The following GPR158 variants were observed in gnomAD, a reference collection of about 807,000 sequenced individuals.
The protein encoded by GPR158 is metabotropic glycine receptor.
A neutral mutation model predicts 78.2 loss-of-function variants in GPR158; 30 were observed. The observed-to-expected ratio is 0.38, with a 90% confidence interval of 0.29 to 0.52. The LOEUF is 0.52. Ranked by LOEUF, GPR158 falls within the 20% of genes least tolerant of loss-of-function variation. GPR158 has a pLI of 0.83. For synonymous variants in GPR158, 581 were observed against 591.1 expected, an observed-to-expected ratio of 0.98 and a Z score of 0.25; for missense variants, 1,463 against 1,523.5, an observed-to-expected ratio of 0.96 and a Z score of 0.66.
intron 2 of GPR158, among the ~76,000 whole-genome samples, chr10:25,387,492 T>C (rs1353430332): frequency 3.3e-5 from 5 of 150,534 alleles, no homozygotes; most frequent in Admixed American, 6.7e-5. Flanking sequence ...TAAAATGAGT[T>C]TGGGAATGTT....
At chr10:25,527,373 A>T (rs1836363839) in intron 5 of GPR158, among the ~76,000 whole-genome samples, 4 of 152,202 alleles carry the variant, frequency 2.6e-5, no homozygotes, top group Admixed American at 1.3e-4. Flanking sequence ...TAAACTTTTT[A>T]AAATGGAGAT....
At chr10:25,404,330 G>A (rs1035009716) in intron 3 of GPR158, among the ~76,000 whole-genome samples, 10 of 151,998 alleles carry the variant, frequency 6.6e-5, no homozygotes, top group African/African-American at 2.4e-4. Context: ...TGTTAAAGAG[G>A]CAGTTTTTCA....
intron 2 of GPR158, among the ~76,000 whole-genome samples, chr10:25,239,862 A>G (rs564847929): frequency 6.6e-6 from 1 of 152,276 alleles, no homozygotes; most frequent in South Asian, 2.1e-4. Flanking sequence ...AACACTAATA[A>G]TGAGTATTTA....
Position 25,175,045 on chromosome 10 carries a change from G to T in GPR158, c.-376G>T, listed in dbSNP as rs1852503029. Reference sequence around the variant, plus strand: ...GGCCGCGGCGGCAGCAGCAGCAGCAGCTTCTGAACGCGCCTCAATGAGAGC... The same window carrying T: ...GGCCGCGGCGGCAGCAGCAGCAGCATCTTCTGAACGCGCCTCAATGAGAGC... On this transcript the variant is annotated 5_prime_UTR_variant, in exon 1 of 11. Coordinates refer to ENST00000376351, the MANE Select transcript of GPR158 (RefSeq NM_020752.3). The surrounding 1 kb of genome is among the most constrained non-coding windows in gnomAD (Gnocchi z 6.4). 5.1e-6 allele frequency: 1 copy of T among 196,354 alleles called. No homozygotes were observed. Among genetic ancestry groups the T allele is most frequent in the Non-Finnish European group, 1.0e-5 (1 of 97,226 alleles). 12.2% of individuals were successfully genotyped at this position (196,354 alleles called of 1,614,324 possible). A position where few individuals can be genotyped will look rare whatever the true frequency, so the allele number is the denominator to read the frequency against.
intron 6 of GPR158, among the ~76,000 whole-genome samples, chr10:25,552,212 G>C (rs146741984): frequency 8.6e-4 from 131 of 152,170 alleles, no homozygotes; most frequent in African/African-American, 2.9e-3. Flanking sequence ...TAAATCATAG[G>C]CTTCTGTTTC....
intron 2 of GPR158, among the ~76,000 whole-genome samples, chr10:25,302,456 G>T (rs1854613377): frequency 6.6e-6 from 1 of 152,004 alleles, no homozygotes; most frequent in Non-Finnish European, 1.5e-5. Context: ...TTCTAGTTTG[G>T]CAGGACTCAG....
At chr10:25,319,716 C>T (rs150359738) in intron 2 of GPR158, among the ~76,000 whole-genome samples, 43 of 152,116 alleles carry the variant, frequency 2.8e-4, no homozygotes, top group African/African-American at 9.6e-4. Flanking sequence ...TCGGCGACAT[C>T]GTTCTTTATG....
intron 2 of GPR158, among the ~76,000 whole-genome samples, chr10:25,371,344 G>A (rs1417493743): frequency 6.6e-6 from 1 of 151,742 alleles, no homozygotes; most frequent in East Asian, 1.9e-4. Context: ...TCCTTCAGGA[G>A]GTCTTTTAGG....
At chr10:25,461,735 T>A (rs1347166404) in intron 4 of GPR158, among the ~76,000 whole-genome samples, 1 of 145,550 alleles carries the variant, frequency 6.9e-6, no homozygotes, top group Admixed American at 6.9e-5. Context: ...AGGACTTTCT[T>A]TTTTTTTTTT....
intron 2 of GPR158, among the ~76,000 whole-genome samples, chr10:25,394,411 C>T (rs1285871157): frequency 6.6e-6 from 1 of 152,220 alleles, no homozygotes; most frequent in Non-Finnish European, 1.5e-5. Flanking sequence ...CTCCTAAATA[C>T]ATGTTATAGT....
At position 25,314,052 on chromosome 10, in the gene GPR158, T is replaced by G. The variant is rs550251447; in HGVS notation, c.1009-81859T>G. Among the ~76,000 whole-genome samples, 849 of 152,262 alleles carry G rather than the reference T, an allele frequency of 5.6e-3. 6 individuals carry two copies. Among genetic ancestry groups the G allele is most frequent in the African/African-American group, 0.019 (799 of 41,558 alleles). On this transcript the variant is annotated intron_variant, in intron 2 of 10. Transcript: ENST00000376351. Reference sequence around the variant, plus strand: ...ACGTTTTATTATTGAGTAAATTTTATGAGCTGTATTTGTCTTGGAAATTAT... The same window carrying G: ...ACGTTTTATTATTGAGTAAATTTTAGGAGCTGTATTTGTCTTGGAAATTAT...
intron 2 of GPR158, among the ~76,000 whole-genome samples, chr10:25,299,558 C>A (rs1289163413): frequency 6.6e-6 from 1 of 152,132 alleles, no homozygotes; most frequent in Non-Finnish European, 1.5e-5. Context: ...CATTTTCTCG[C>A]AAATGACAGA....
chr10:25,504,967 C>T (rs1835992097), intron 5 of GPR158, among the ~76,000 whole-genome samples: 1 of 152,120 alleles, frequency 6.6e-6, no homozygotes, highest in Non-Finnish European at 1.5e-5. Flanking sequence ...ACTGCAGCAC[C>T]TACTAGCTGT....
At chr10:25,317,727 T>TG (rs1177787509) in intron 2 of GPR158, among the ~76,000 whole-genome samples, 2 of 125,458 alleles carry the variant, frequency 1.6e-5, no homozygotes, top group Admixed American at 7.3e-5. Flanking sequence ...TTTTTTTTTG[T>TG]TTTGTTTTGT....
In GPR158 at chr10:25,418,309, T is replaced by G. The variant is rs190363047; in HGVS notation, c.1335+5836T>G. On this transcript the variant is annotated intron_variant, in intron 4 of 10. Transcript: ENST00000376351. ...ACTACTAGCCATCATTGATGAAATA[T>G]TGGTTTAACATTTTATCATTTTAAA... is the stretch of plus-strand genomic sequence containing the variant. 1.9e-4 allele frequency among the ~76,000 whole-genome samples: 29 copies of G among 152,326 alleles called. 1 individual carries two copies. Among genetic ancestry groups the G allele is most frequent in the African/African-American group, 6.3e-4 (26 of 41,578 alleles).
intron 4 of GPR158, among the ~76,000 whole-genome samples, chr10:25,438,626 A>T (rs1193997951): frequency 6.6e-6 from 1 of 152,254 alleles, no homozygotes; most frequent in Non-Finnish European, 1.5e-5. Flanking sequence ...GATACTCCTG[A>T]GGTCATACTG....
intron 2 of GPR158, among the ~76,000 whole-genome samples, chr10:25,328,803 T>G (rs758984895): frequency 1.3e-5 from 2 of 151,818 alleles, no homozygotes; most frequent in African/African-American, 2.4e-5. Flanking sequence ...GGCGGACACC[T>G]GTAATCCCAG....
chr10:25,371,056 G>A (rs1236653111), intron 2 of GPR158, among the ~76,000 whole-genome samples: 3 of 147,954 alleles, frequency 2.0e-5, no homozygotes, highest in Admixed American at 6.8e-5. Flanking sequence ...TTGAGCCTAT[G>A]TGTGTCTCTG....
chr10:25,533,482 A>T (rs572002604), intron 5 of GPR158, among the ~76,000 whole-genome samples: 191 of 152,244 alleles, frequency 1.3e-3, no homozygotes, highest in Non-Finnish European at 2.4e-3. Flanking sequence ...CTTTCTCATG[A>T]CTATGGCTGT....
Sources: gnomAD v4.1 joint callset for allele counts (sites outside exome capture counted in the v4.1 genomes callset) on GRCh38, gnomAD v4.1.1 for gene constraint, Gnocchi (gnomAD v3.1) non-coding constraint, MANE v1.5 for transcripts, NCBI Gene and HGNC (gene_info 2026-07-23, HGNC 2026-07-21) for gene names.